UBE3C: variants seen among roughly 807,000 people sequenced by gnomAD.
The protein encoded by UBE3C is ubiquitin-protein ligase E3C.
UBE3C carries 42 observed loss-of-function variants against 129.4 expected under a neutral mutation model. The observed-to-expected ratio is 0.32, with a 90% confidence interval of 0.25 to 0.42. The LOEUF is 0.42. Ranked by LOEUF, UBE3C falls within the 10% of genes least tolerant of loss-of-function variation. UBE3C has a pLI of 1.00. For missense variants in UBE3C, 1,049 were observed against 1,319.1 expected, an observed-to-expected ratio of 0.80 and a Z score of 3.17; for synonymous variants, 510 against 492.4, an observed-to-expected ratio of 1.04 and a Z score of -0.47.
At chr7:157,183,704 G>C (rs1808729906) in intron 8 of UBE3C, among the ~76,000 whole-genome samples, 174 bp from the exon 9 acceptor site, 1 of 152,164 alleles carries the variant, frequency 6.6e-6, no homozygotes, top group Admixed American at 6.5e-5. Flanking sequence ...GGTGCTTTCT[G>C]ACATGAACGG....
intron 10 of UBE3C, among the ~76,000 whole-genome samples, chr7:157,190,621 G>A (rs1049796081): frequency 9.2e-5 from 14 of 152,176 alleles, no homozygotes; most frequent in African/African-American, 2.4e-4. Flanking sequence ...CATGGTGCTC[G>A]AGAGCTGTAT....
intron 18 of UBE3C, among the ~76,000 whole-genome samples, chr7:157,236,921 G>A (rs542460178): frequency 1.3e-5 from 2 of 151,954 alleles, no homozygotes; most frequent in African/African-American, 2.4e-5. Flanking sequence ...TAGTAGAGAC[G>A]GGGTTTCATC....
intron 18 of UBE3C, among the ~76,000 whole-genome samples, chr7:157,239,311 C>T (rs912673293): frequency 5.9e-5 from 9 of 152,170 alleles, no homozygotes; most frequent in Admixed American, 3.9e-4. Flanking sequence ...ACGGCACAGA[C>T]CTAACATTGA....
chr7:157,158,141 C>T (rs1807969410), intron 1 of UBE3C, among the ~76,000 whole-genome samples: 1 of 149,886 alleles, frequency 6.7e-6, no homozygotes, highest in South Asian at 2.1e-4. Context: ...GATCTCCTGC[C>T]TCAGCCTCCC....
At chr7:157,201,936 C>G in intron 11 of UBE3C, 129 bp downstream of exon 11, 2 of 716,140 alleles carry the variant, frequency 2.8e-6, no homozygotes, top group South Asian at 1.7e-5. Flanking sequence ...AAGGTAAGTT[C>G]CAGATGGTCT....
chr7:157,266,813 T>G (rs1797090429), intron 22 of UBE3C, among the ~76,000 whole-genome samples: 1 of 152,082 alleles, frequency 6.6e-6, no homozygotes. Flanking sequence ...CATACCTCAC[T>G]AACCTCGACC....
At chr7:157,172,800 A>G (rs6950377) in intron 4 of UBE3C, among the ~76,000 whole-genome samples, 144,697 of 152,276 alleles carry the variant, frequency 0.95, 68,853 homozygotes, top group East Asian at 1. Flanking sequence ...CTTGTAGATT[A>G]CAAGATCACC....
At chr7:157,258,648 C>T (rs903940204) in intron 22 of UBE3C, among the ~76,000 whole-genome samples, 5 of 152,076 alleles carry the variant, frequency 3.3e-5, no homozygotes, top group Middle Eastern at 3.4e-3. Flanking sequence ...TTAGTAGAGA[C>T]GGGGTTTCAC....
intron 5 of UBE3C, 40 bp downstream of exon 5, chr7:157,175,074 T>G (rs758521131): frequency 6.9e-7 from 1 of 1,450,164 alleles, no homozygotes; most frequent in Non-Finnish European, 9.4e-7. Context: ...TATAATGTAT[T>G]GATCACCTTG....
At chr7:157,255,653 T>C (rs1796733350) in intron 21 of UBE3C, among the ~76,000 whole-genome samples, 1 of 152,188 alleles carries the variant, frequency 6.6e-6, no homozygotes, top group Admixed American at 6.5e-5. Context: ...TGCCAGTAAA[T>C]AGGTTTAAAA....
rs1294910637 is a variant in UBE3C, at chr7:157,141,187, C to A, written c.66+1849C>A. ...AGCCCTTAGTAGGAACTGGCAGCAGCTGGGGCATGGGTGCCCTGGCCTGGT... is the reference window on the plus strand; with the variant it reads ...AGCCCTTAGTAGGAACTGGCAGCAGATGGGGCATGGGTGCCCTGGCCTGGT... On this transcript the variant is annotated intron_variant, in intron 1 of 22. Coordinates refer to ENST00000348165, the MANE Select transcript of UBE3C (RefSeq NM_014671.3). Among the ~76,000 whole-genome samples the A allele has an allele frequency of 2.6e-5, 4 of 152,230 alleles. No homozygotes were observed. In the South Asian group the frequency reaches 6.2e-4, roughly 24 times the overall value.
chr7:157,208,424 T>G (rs1244912432), intron 13 of UBE3C, among the ~76,000 whole-genome samples: 1 of 152,234 alleles, frequency 6.6e-6, no homozygotes, highest in African/African-American at 2.4e-5. Flanking sequence ...TTTGATTAAT[T>G]AAGGTAATTT....
At chr7:157,155,430 G>GT (rs988524025) in intron 1 of UBE3C, among the ~76,000 whole-genome samples, 11 of 151,854 alleles carry the variant, frequency 7.2e-5, no homozygotes, top group African/African-American at 1.7e-4. Context: ...GTTTTTTGGG[G>GT]TTTTTTTTAA....
intron 14 of UBE3C, among the ~76,000 whole-genome samples, chr7:157,217,929 A>G (rs1020164197): frequency 2.6e-5 from 4 of 152,212 alleles, no homozygotes; most frequent in African/African-American, 9.6e-5. Flanking sequence ...AGGCTAAGGT[A>G]TGAGAATCCC....
chr7:157,142,853 A>C (rs1159151559), intron 1 of UBE3C, among the ~76,000 whole-genome samples: 2 of 144,316 alleles, frequency 1.4e-5, no homozygotes, highest in African/African-American at 5.8e-5. Context: ...ATAAAAGTTG[A>C]ATTTTTTTTT....
chr7:157,178,979 C>T, intron 6 of UBE3C, 132 bp downstream of exon 6: 1 of 1,133,174 alleles, frequency 8.8e-7, no homozygotes, highest in Non-Finnish European at 1.2e-6. Flanking sequence ...ACGCCTTGTG[C>T]TCCATCCACA....
At chr7:157,150,565 G>A (rs1217875171) in intron 1 of UBE3C, among the ~76,000 whole-genome samples, 1 of 152,110 alleles carries the variant, frequency 6.6e-6, no homozygotes, top group African/African-American at 2.4e-5. Context: ...CTAAATACAG[G>A]ACATTTGTTA....
intron 6 of UBE3C, 29 bp from the exon 7 acceptor site, chr7:157,181,489 A>G (rs1053033515): frequency 3.2e-6 from 5 of 1,544,554 alleles, no homozygotes; most frequent in Admixed American, 4.6e-5. Context: ...AAAAGGCACT[A>G]AATTTTAAAT....
intron 10 of UBE3C, among the ~76,000 whole-genome samples, chr7:157,196,711 A>T (rs183303403): frequency 2.4e-4 from 37 of 152,050 alleles, no homozygotes; most frequent in Non-Finnish European, 5.1e-4. Context: ...GCTCACGCCT[A>T]TAATCCCAGC....
Sources: allele counts gnomAD v4.1 joint callset (sites outside exome capture counted in the v4.1 genomes callset), GRCh38; gene constraint gnomAD v4.1.1; transcripts MANE v1.5; gene names NCBI Gene and HGNC (gene_info 2026-07-23, HGNC 2026-07-21).